The following OLA1 variants were observed in gnomAD, a reference collection of about 807,000 sequenced individuals.
OLA1 encodes the protein Obg like ATPase 1.
Under a neutral mutation model 48.4 loss-of-function variants are expected in OLA1, and 14 were observed. The observed-to-expected ratio is 0.29, with a 90% confidence interval of 0.19 to 0.45. The LOEUF (loss-of-function observed/expected upper bound fraction) is 0.45. Ranked by LOEUF, OLA1 falls within the 20% of genes least tolerant of loss-of-function variation. The pLI, the probability that OLA1 is intolerant of heterozygous loss-of-function variation, is 1.00. For missense variants in OLA1, 325 were observed against 467.1 expected, an observed-to-expected ratio of 0.70 and a Z score of 2.80; for synonymous variants, 127 against 150.4, an observed-to-expected ratio of 0.84 and a Z score of 1.14.
intron 4 of OLA1, among the ~76,000 whole-genome samples, chr2:174,143,297 T>C (rs1686500914): frequency 6.6e-6 from 1 of 152,214 alleles, no homozygotes; most frequent in South Asian, 2.1e-4. Flanking sequence ...ATATTATGTT[T>C]TACTAACAAA....
Position 174,141,941 on chromosome 2 carries a change from T to C in OLA1, c.433A>G (p.Ile145Val), listed in dbSNP as rs750273372. 10 of 1,597,896 alleles carry C rather than the reference T, an allele frequency of 6.3e-6. No homozygotes were observed. The highest frequency in any genetic ancestry group is 7.7e-6 in the Non-Finnish European group (9 of 1,173,024). ...VEGSVDPIRD[I>V]EIIHEELQLK... is the part of the protein sequence containing the mutation. ...TGAAGCTCTTCATGTATTATTTCTATATCTCGAATAGGATCTACACTTCCT... is the reference window on the plus strand; with the variant it reads ...TGAAGCTCTTCATGTATTATTTCTACATCTCGAATAGGATCTACACTTCCT... Residue 145 changes from isoleucine to valine, a missense_variant, in exon 5 of 11, where the codon ATA (isoleucine) becomes GTA (valine). Physicochemically the swap from Ile to Val is conservative, Grantham distance 29. Coordinates refer to ENST00000284719, the MANE Select transcript of OLA1 (RefSeq NM_013341.5).
At chr2:174,095,325 G>GTTTTTTTTTTTTTTTT (rs1205716344) in intron 7 of OLA1, among the ~76,000 whole-genome samples, 14 of 77,970 alleles carry the variant, frequency 1.8e-4, no homozygotes, top group African/African-American at 4.0e-4. Flanking sequence ...GTTATTTCCT[G>GTTTTTTTTTTTTTTTT]TTTTTTTTTT....
At chr2:174,224,501 T>C (rs1250802147) in intron 3 of OLA1, among the ~76,000 whole-genome samples, 1 of 152,150 alleles carries the variant, frequency 6.6e-6, no homozygotes, top group Non-Finnish European at 1.5e-5. Context: ...CCAGGCATGG[T>C]GGCATACATC....
At chr2:174,143,340 A>C (rs1046109170) in intron 4 of OLA1, among the ~76,000 whole-genome samples, 2 of 152,184 alleles carry the variant, frequency 1.3e-5, no homozygotes, top group African/African-American at 2.4e-5. Context: ...AAATTTTTTG[A>C]ATCTTTGAAA....
At position 174,223,094 on chromosome 2, in the gene OLA1, C is replaced by T; in HGVS notation, c.312G>A (p.Gln104=). 6.2e-7 allele frequency: 1 copy of T among 1,613,970 alleles called. No homozygotes were observed. Among genetic ancestry groups the T allele is most frequent in the African/African-American group, 1.3e-5 (1 of 75,062 alleles). ...AGLVKGAHNG[Q]GLGNAFLSHI... Reference sequence around the variant, plus strand: ...GAGATAAAAAAGCATTCCCCAGGCCCTGCCCATTGTGAGCTCCTTTCACAA... The same window carrying T: ...GAGATAAAAAAGCATTCCCCAGGCCTTGCCCATTGTGAGCTCCTTTCACAA... Residue 104 remains glutamine, a synonymous_variant, in exon 4 of 11, where the codon CAG becomes CAA. Transcript: ENST00000284719.
intron 4 of OLA1, among the ~76,000 whole-genome samples, chr2:174,169,642 A>T (rs556935042): frequency 6.6e-5 from 10 of 152,362 alleles, no homozygotes; most frequent in African/African-American, 2.4e-4. Context: ...TATTGCCAAC[A>T]GCCCTGCGCT....
intron 4 of OLA1, among the ~76,000 whole-genome samples, chr2:174,144,776 G>A (rs1686538759): frequency 6.6e-6 from 1 of 150,592 alleles, no homozygotes; most frequent in Non-Finnish European, 1.5e-5. Flanking sequence ...AACATTGTGA[G>A]ACCTTGTCCC....
chr2:174,231,613 A>G (rs1363071990), intron 2 of OLA1, among the ~76,000 whole-genome samples: 2 of 152,226 alleles, frequency 1.3e-5, no homozygotes, highest in Non-Finnish European at 2.9e-5. Flanking sequence ...AACATAGCAA[A>G]AGAAAATTCC....
At chr2:174,119,577 T>C (rs1574491966) in intron 7 of OLA1, among the ~76,000 whole-genome samples, 1 of 151,914 alleles carries the variant, frequency 6.6e-6, no homozygotes, top group Non-Finnish European at 1.5e-5. Flanking sequence ...GCTCAAGAAA[T>C]CAAGAAAATA....
intron 4 of OLA1, among the ~76,000 whole-genome samples, chr2:174,192,748 T>C (rs755868669): frequency 6.6e-6 from 1 of 152,194 alleles, no homozygotes; most frequent in Non-Finnish European, 1.5e-5. Context: ...CTGAAAAACA[T>C]TCTCATTAGG....
chr2:174,139,222 G>A (rs1283626651), intron 5 of OLA1, among the ~76,000 whole-genome samples: 2 of 152,194 alleles, frequency 1.3e-5, no homozygotes, highest in African/African-American at 2.4e-5. Context: ...TAAGAAGAGA[G>A]AAATTTGGAC....
chr2:174,201,510 G>A (rs537673773), intron 4 of OLA1, among the ~76,000 whole-genome samples: 12 of 152,132 alleles, frequency 7.9e-5, no homozygotes, highest in South Asian at 4.1e-4. Context: ...CACCATGCCC[G>A]GCTGATTTTT....
At chr2:174,137,375 G>C (rs370902775) in intron 5 of OLA1, among the ~76,000 whole-genome samples, 3 of 152,222 alleles carry the variant, frequency 2.0e-5, no homozygotes, top group Non-Finnish European at 4.4e-5. Flanking sequence ...AGGCAGAATA[G>C]ATTTAGTATA....
intron 4 of OLA1, among the ~76,000 whole-genome samples, chr2:174,205,600 C>G (rs1180727833): frequency 6.6e-6 from 1 of 152,162 alleles, no homozygotes; most frequent in Non-Finnish European, 1.5e-5. Flanking sequence ...GAAATACAAA[C>G]AAAATATCTA....
chr2:174,144,965 T>A (rs1299771529), intron 4 of OLA1, among the ~76,000 whole-genome samples: 106 of 123,086 alleles, frequency 8.6e-4, no homozygotes, highest in African/African-American at 1.9e-3. Flanking sequence ...TATATATATA[T>A]ATATATATAT....
At chr2:174,157,470 T>C (rs866481587) in intron 4 of OLA1, among the ~76,000 whole-genome samples, 4 of 152,200 alleles carry the variant, frequency 2.6e-5, no homozygotes, top group Non-Finnish European at 4.4e-5. Context: ...CTAAGAGTCA[T>C]GTACAGGTTT....
At chr2:174,198,274 T>C (rs1436963448) in intron 4 of OLA1, among the ~76,000 whole-genome samples, 1 of 152,222 alleles carries the variant, frequency 6.6e-6, no homozygotes, top group Non-Finnish European at 1.5e-5. Flanking sequence ...AATAAAATTT[T>C]ATATGCAATG....
intron 4 of OLA1, among the ~76,000 whole-genome samples, chr2:174,147,131 G>C (rs185105317): frequency 1.8e-4 from 27 of 152,214 alleles, no homozygotes; most frequent in African/African-American, 6.5e-4. Flanking sequence ...TGACTGAACA[G>C]CAACAACAAA....
chr2:174,207,025 G>GT (rs1688129332), intron 4 of OLA1, among the ~76,000 whole-genome samples: 1 of 152,124 alleles, frequency 6.6e-6, no homozygotes, highest in African/African-American at 2.4e-5. Context: ...TTTAAATGAT[G>GT]TGCTTATGGC....
Sources: allele counts gnomAD v4.1 joint callset (sites outside exome capture counted in the v4.1 genomes callset), GRCh38; gene constraint gnomAD v4.1.1; transcripts MANE v1.5; gene names NCBI Gene and HGNC (gene_info 2026-07-23, HGNC 2026-07-21).